The following LETMD1 variants were observed in gnomAD, a reference collection of about 807,000 sequenced individuals.
LETMD1 encodes LETM1 domain containing 1.
LETMD1 carries 30 observed loss-of-function variants against 43.9 expected under a neutral mutation model. That is an observed-to-expected ratio of 0.68 (90% CI 0.51 to 0.93). LETMD1 has a LOEUF of 0.93. Ranked by LOEUF, LETMD1 falls within the 40% of genes least tolerant of loss-of-function variation. The probability of loss-of-function intolerance (pLI) is 0.00; values close to 1 mark genes in which losing one functional copy is unlikely to be tolerated. For synonymous variants in LETMD1, 176 were observed against 163.1 expected, an observed-to-expected ratio of 1.08 and a Z score of -0.60; for missense variants, 413 against 447.7, an observed-to-expected ratio of 0.92 and a Z score of 0.70.
downstream of LETMD1, among the ~76,000 whole-genome samples, chr12:51,064,877 CATTA>C (rs1355383112): frequency 2.0e-5 from 3 of 152,194 alleles, no homozygotes; most frequent in African/African-American, 7.2e-5. Flanking sequence ...CCAGCTCAGC[CATTA>C]ATTAGTGGTG....
chr12:51,052,316 C>T lies in LETMD1; in HGVS notation c.390+109C>T, dbSNP rs1946399507. 3 of 1,342,226 alleles carry T rather than the reference C, an allele frequency of 2.2e-6. No homozygotes were observed. In the South Asian group the frequency reaches 4.3e-5, roughly 19 times the overall value. The allele number at this position is 1,342,226 out of a possible 1,614,324, so 83.1% of individuals were successfully genotyped here. On this transcript the variant is annotated intron_variant, in intron 3 of 8. Transcript: ENST00000262055. ...TTGTTCACCATTGATCAAGCTTTTG[C>T]CCTTTGCCGTGAGAACAAAATATTG...
rs1948267325 is a variant in LETMD1, at chr12:51,058,147, G to A, written c.1012+19G>A. 1.4e-6 allele frequency: 2 copies of A among 1,469,528 alleles called. No homozygotes were observed. Among genetic ancestry groups the A allele is most frequent in the East Asian group, 2.3e-5 (1 of 44,240 alleles). 91.0% of individuals were successfully genotyped at this position (1,469,528 alleles called of 1,614,324 possible). A position where few individuals can be genotyped will look rare whatever the true frequency, so the allele number is the denominator to read the frequency against. On this transcript the variant is annotated intron_variant, in intron 8 of 8. Transcript: ENST00000262055. ...CTGAAAGGTAAAACACATTTCTGTG[G>A]TTATACCACTAAAATCCAAGTCACT...
At position 51,049,044 on chromosome 12, in the gene LETMD1, C is replaced by G. The variant is rs368932506; in HGVS notation, c.133C>G (p.Leu45Val). The G allele has an allele frequency of 1.7e-4, 281 of 1,613,828 alleles. 1 individual carries two copies. The highest frequency in any genetic ancestry group is 2.2e-4 in the Non-Finnish European group (265 of 1,179,934). The change falls in exon 2 of 9, where the codon CTT (leucine) becomes GTT (valine). Residue 45 changes from leucine to valine, a missense_variant. Physicochemically the swap from Leu to Val is conservative, Grantham distance 32. Transcript: ENST00000262055. The part of the protein sequence containing the change: ...LAWGAPRSSK[L>V]HLSPKADVKN... ...TGATCTTCCTTGTAGGTCTTCAAAG[C>G]TTCACCTTTCTCCAAAGGCAGATGT...
chr12:51,056,228 C>G lies in LETMD1; in HGVS notation c.745C>G (p.Leu249Val). The G allele has an allele frequency of 3.1e-6, 5 of 1,614,226 alleles. No individual in the cohort carries two copies. Among genetic ancestry groups the G allele is most frequent in the Non-Finnish European group, 4.2e-6 (5 of 1,180,032 alleles). Residue 249 changes from leucine (L) to valine (V), a missense_variant, in exon 6 of 9, where the codon CTC (leucine) becomes GTC (valine). By Grantham distance (32) the Leu-to-Val change is conservative. Transcript: ENST00000262055. ...TAACCATCCTCTGGGCATGAACCAA[C>G]TCCAGGCTTTGCACGTGGTGAGCAC... ...FSNHPLGMNQ[L>V]QALHVKALSR...
In LETMD1 at chr12:51,059,880, G is replaced by A. The variant is rs756720487; in HGVS notation, c.*449G>A. 6.4e-4 allele frequency: 110 copies of A among 171,380 alleles called. No homozygotes were observed. The highest frequency in any genetic ancestry group is 1.3e-3 in the Non-Finnish European group (104 of 79,106). The allele number at this position is 171,380 out of a possible 1,614,324, so 10.6% of individuals were successfully genotyped here. A position where few individuals can be genotyped will look rare whatever the true frequency, so the allele number is the denominator to read the frequency against. ...TGGCTGGTGAAAACAGCACTCCTTT[G>A]GCTGGAGCACATGTGTCCGTGCATG... On this transcript the variant is annotated 3_prime_UTR_variant, in exon 9 of 9. Coordinates refer to ENST00000262055, the MANE Select transcript of LETMD1 (RefSeq NM_015416.5).
chr12:51,061,741 T>C (rs569581719), downstream of LETMD1: 13 of 152,348 alleles, frequency 8.5e-5, no homozygotes, highest in African/African-American at 3.1e-4. Flanking sequence ...CAAAAGCTAA[T>C]GTGTTCCTCA....
chr12:51,056,331 C>G lies in LETMD1; in HGVS notation c.763-19C>G, dbSNP rs762698724. On this transcript the variant is annotated intron_variant, in intron 6 of 8. Transcript: ENST00000262055. ...GCTCATACTATTTGCCTTTCCCCTCCTATGTGGTTGTGTTACAGAAAGCCT... is the reference window on the plus strand; with the variant it reads ...GCTCATACTATTTGCCTTTCCCCTCGTATGTGGTTGTGTTACAGAAAGCCT... 130 of 1,613,980 alleles carry G rather than the reference C, an allele frequency of 8.1e-5. No homozygotes were observed. Among genetic ancestry groups the G allele is most frequent in the Non-Finnish European group, 1.1e-4 (127 of 1,179,962 alleles).
downstream of LETMD1, among the ~76,000 whole-genome samples, chr12:51,065,244 C>A (rs975749396): frequency 2.0e-5 from 3 of 152,190 alleles, no homozygotes; most frequent in Admixed American, 6.5e-5. Flanking sequence ...AATTTTTTAG[C>A]TACCTGCTTT....
chr12:51,049,434 ACTTTCT>A, intron 2 of LETMD1: 1 of 398,656 alleles, frequency 2.5e-6, no homozygotes. Context: ...ATGTTCTCGT[ACTTTCT>A]TAACCACACA....
chr12:51,068,206 G>A, the LETMD1 span, among the ~76,000 whole-genome samples: 1 of 152,166 alleles, frequency 6.6e-6, no homozygotes, highest in Non-Finnish European at 1.5e-5. Context: ...CGTCCAGGCG[G>A]GAGTGCAGTG....
At chr12:51,063,951 C>T, downstream of LETMD1, 1 of 1,612,946 alleles carries the variant, frequency 6.2e-7, no homozygotes, top group Non-Finnish European at 8.5e-7. Context: ...GGGTGTTTTC[C>T]CCACCTCTGA....
At chr12:51,048,930 C>A in intron 1 of LETMD1, 104 bp from the exon 2 acceptor site, 1 of 1,105,022 alleles carries the variant, frequency 9.0e-7, no homozygotes, top group Non-Finnish European at 1.3e-6. Flanking sequence ...AAGTGTCAAG[C>A]CTTGGGATAC....
chr12:51,048,246 T>C (rs758437560), upstream of LETMD1: 1 of 1,444,850 alleles, frequency 6.9e-7, no homozygotes, highest in Non-Finnish European at 9.7e-7. Flanking sequence ...AAGCAGGCTA[T>C]GGCTACCAAT....
chr12:51,068,412 A>C, the LETMD1 span, among the ~76,000 whole-genome samples: 2 of 152,194 alleles, frequency 1.3e-5, no homozygotes, highest in African/African-American at 4.8e-5. Flanking sequence ...TCGGCCTCCC[A>C]AAGTGCTGGG....
intron 8 of LETMD1, chr12:51,058,720 C>G (rs1566148753): frequency 6.3e-6 from 1 of 159,432 alleles, no homozygotes; most frequent in Non-Finnish European, 1.4e-5. Context: ...CCATGTCCAG[C>G]CTATCCTGTT....
chr12:51,055,056 C>T (rs1365317798), intron 4 of LETMD1, among the ~76,000 whole-genome samples: 6 of 151,776 alleles, frequency 4.0e-5, no homozygotes, highest in East Asian at 3.9e-4. Context: ...GCCGAGATCG[C>T]GCCACTGCAG....
rs1566101004 is a variant in LETMD1 at position 51,052,075 on chromosome 12, C to T, written c.275-17C>T. ...CTGGGATAACATCACACTCTGTCCT[C>T]TACTTTAATGAGGCAGGATTGCAGA... On this transcript the variant is annotated splice_polypyrimidine_tract_variant and intron_variant, in intron 2 of 8. Transcript: ENST00000262055. 1 of 1,610,838 alleles carries T rather than the reference C, an allele frequency of 6.2e-7. No individual in the cohort carries two copies. Among genetic ancestry groups the T allele is most frequent in the East Asian group, 2.2e-5 (1 of 44,848 alleles).
the LETMD1 span, among the ~76,000 whole-genome samples, chr12:51,068,736 T>C: frequency 6.6e-6 from 1 of 152,090 alleles, no homozygotes; most frequent in Non-Finnish European, 1.5e-5. Flanking sequence ...CAGAAAAATG[T>C]GAAACACCCT....
At chr12:51,058,830 A>G (rs1463461345) in intron 8 of LETMD1, 1 of 165,502 alleles carries the variant, frequency 6.0e-6, no homozygotes, top group Non-Finnish European at 1.3e-5. Context: ...ATGTCTCTAG[A>G]CATTGCCAAA....
Sources: allele counts gnomAD v4.1 joint callset (sites outside exome capture counted in the v4.1 genomes callset), GRCh38; gene constraint gnomAD v4.1.1; transcripts MANE v1.5; gene names NCBI Gene and HGNC (gene_info 2026-07-23, HGNC 2026-07-21).